AKAP8L: variants seen among roughly 807,000 people sequenced by gnomAD.
AKAP8L encodes the protein A-kinase anchor protein 8-like.
AKAP8L carries 34 observed loss-of-function variants against 77.5 expected under a neutral mutation model. That is an observed-to-expected ratio of 0.44 (90% confidence interval 0.33 to 0.58). The LOEUF is 0.58. Among genes scored for constraint, AKAP8L ranks in the 20% least tolerant of loss-of-function variants. AKAP8L has a pLI of 0.02. For missense variants in AKAP8L, 806 were observed against 887.6 expected, an observed-to-expected ratio of 0.91 and a Z score of 1.17; for synonymous variants, 342 against 340.7, an observed-to-expected ratio of 1.00 and a Z score of -0.04.
Position 15,403,672 on chromosome 19 carries a change from G to A in AKAP8L, c.165C>T (p.Asn55=). The part of the protein sequence containing the change: ...YGYGYGYGQD[N]TTNYGYGMAT... ...CCATACCATACCCATAGTTGGTGGT[G>A]TTATCCTGGCCATAGCCATAGCCAT... The change falls in exon 4 of 14, where the codon AAC becomes AAT. Residue 55 remains asparagine (N), a synonymous_variant. Transcript: ENST00000397410. The surrounding 1 kb of genome is among the most constrained non-coding windows in gnomAD (Gnocchi z 4.3). 1 of 1,610,520 alleles carries A rather than the reference G, an allele frequency of 6.2e-7. No homozygotes were observed. The highest frequency in any genetic ancestry group is 1.3e-5 in the African/African-American group (1 of 74,970).
At position 15,401,699 on chromosome 19, in the gene AKAP8L, C is replaced by T; in HGVS notation, c.363-96G>A. 1.0e-6 allele frequency: 1 copy of T among 981,140 alleles called. No homozygotes were observed. The highest frequency in any genetic ancestry group is 1.5e-6 in the Non-Finnish European group (1 of 679,948). The allele number at this position is 981,140 out of a possible 1,614,324, so 60.8% of individuals were successfully genotyped here. ...CCTCCCCAATCTCCCAGTCCAGCAC[C>T]CACCCTGCCCTGGTTGGGAGGCTCA... On this transcript the variant is annotated intron_variant, in intron 4 of 13. Coordinates refer to ENST00000397410, the MANE Select transcript of AKAP8L (RefSeq NM_014371.4). The surrounding 1 kb of genome is among the most constrained non-coding windows in gnomAD (Gnocchi z 6.2).
At position 15,403,835 on chromosome 19, in the gene AKAP8L, C is replaced by A. The variant is rs1967948892; in HGVS notation, c.122-120G>T. The A allele has an allele frequency of 1.8e-6, 2 of 1,087,726 alleles. No individual in the cohort carries two copies. Among genetic ancestry groups the A allele is most frequent in the Non-Finnish European group, 2.7e-6 (2 of 737,686 alleles). The allele number at this position is 1,087,726 out of a possible 1,614,324, so 67.4% of individuals were successfully genotyped here. On this transcript the variant is annotated intron_variant, in intron 3 of 13. Transcript: ENST00000397410. The surrounding 1 kb of genome is among the most constrained non-coding windows in gnomAD (Gnocchi z 4.3). ...TGTCACAGAGAGAGAAGACCCTAGC[C>A]ACTGAAGCTAGATGGGCCCTGGTCA... is the stretch of plus-strand genomic sequence containing the variant.
chr19:15,397,947 A>G lies in AKAP8L; in HGVS notation c.1158-92T>C. 1 of 1,505,176 alleles carries G rather than the reference A, an allele frequency of 6.6e-7. No individual in the cohort carries two copies. Among genetic ancestry groups the G allele is most frequent in the Non-Finnish European group, 9.0e-7 (1 of 1,113,542 alleles). The allele number at this position is 1,505,176 out of a possible 1,614,324, so 93.2% of individuals were successfully genotyped here. A position where few individuals can be genotyped will look rare whatever the true frequency, so the allele number is the denominator to read the frequency against. ...CCAACCCAGACACAAGCCCTGAAAC[A>G]GGCCTTGCTCACGGGCCTCTGAAGT... On this transcript the variant is annotated intron_variant, in intron 9 of 13. Coordinates refer to ENST00000397410, the MANE Select transcript of AKAP8L (RefSeq NM_014371.4). This position sits in a 1 kb window ranked among gnomAD's most constrained non-coding sequence, Gnocchi z 4.7.
At chr19:15,384,842 G>A (rs1967495557) in intron 12 of AKAP8L, among the ~76,000 whole-genome samples, 4 of 152,176 alleles carry the variant, frequency 2.6e-5, no homozygotes, top group Admixed American at 1.3e-4. Context: ...CATAAAGAGA[G>A]TTTGCATTAT....
chr19:15,403,170 T>G lies in AKAP8L; in HGVS notation c.362+305A>C. 1 of 421,976 alleles carries G rather than the reference T, an allele frequency of 2.4e-6. No individual in the cohort carries two copies. The highest frequency in any genetic ancestry group is 4.5e-6 in the Non-Finnish European group (1 of 224,602). The allele number at this position is 421,976 out of a possible 1,614,324, so 26.1% of individuals were successfully genotyped here. A position where few individuals can be genotyped will look rare whatever the true frequency, so the allele number is the denominator to read the frequency against. Reference sequence around the variant, plus strand: ...CGAGAGAATTCCAAATGGCTGTCCTTGGAGGGAGGGGTGGCTGAACACTCT... The same window carrying G: ...CGAGAGAATTCCAAATGGCTGTCCTGGGAGGGAGGGGTGGCTGAACACTCT... On this transcript the variant is annotated intron_variant, in intron 4 of 13. Coordinates refer to ENST00000397410, the MANE Select transcript of AKAP8L (RefSeq NM_014371.4). This position sits in a 1 kb window ranked among gnomAD's most constrained non-coding sequence, Gnocchi z 4.3.
intron 2 of AKAP8L, 27 bp from the exon 3 acceptor site, chr19:15,404,069 T>G (rs1313309043): frequency 1.2e-6 from 2 of 1,611,270 alleles, no homozygotes; most frequent in African/African-American, 1.3e-5. Flanking sequence ...GGCAGTTACA[T>G]CTATACTTGC....
At chr19:15,414,976 C>T (rs1330294199) in intron 1 of AKAP8L, among the ~76,000 whole-genome samples, 1 of 152,106 alleles carries the variant, frequency 6.6e-6, no homozygotes, top group Non-Finnish European at 1.5e-5. Context: ...TTTTTGTTTT[C>T]TTTTTCTTTT....
At chr19:15,395,061 G>C (rs569139373) in intron 12 of AKAP8L, among the ~76,000 whole-genome samples, 1 of 149,120 alleles carries the variant, frequency 6.7e-6, no homozygotes, top group South Asian at 2.1e-4. Context: ...ACAGAGTCTC[G>C]CTCTGTCGCC....
chr19:15,408,933 G>A (rs1968056357), intron 2 of AKAP8L, among the ~76,000 whole-genome samples: 1 of 151,672 alleles, frequency 6.6e-6, no homozygotes, highest in African/African-American at 2.4e-5. Context: ...TAAACAAATG[G>A]TGCTGGAACA....
intron 12 of AKAP8L, among the ~76,000 whole-genome samples, chr19:15,384,092 C>T (rs937490014): frequency 4.6e-5 from 7 of 151,802 alleles, no homozygotes; most frequent in South Asian, 2.1e-4. Flanking sequence ...CCACCCCACC[C>T]GGCTAATTTT....
Position 15,403,198 on chromosome 19 carries a change from T to G in AKAP8L, c.362+277A>C. On this transcript the variant is annotated intron_variant, in intron 4 of 13. Coordinates refer to ENST00000397410, the MANE Select transcript of AKAP8L (RefSeq NM_014371.4). The surrounding 1 kb of genome is among the most constrained non-coding windows in gnomAD (Gnocchi z 4.3). ...AGGGAGGGGTGGCTGAACACTCTGTTTTTGAGGGCACAGTGAAGTCTGCCC... is the reference window on the plus strand; with the variant it reads ...AGGGAGGGGTGGCTGAACACTCTGTGTTTGAGGGCACAGTGAAGTCTGCCC... The G allele has an allele frequency of 2.1e-6, 1 of 478,774 alleles. No homozygotes were observed. The highest frequency in any genetic ancestry group is 2.0e-5 in the African/African-American group (1 of 51,074). The allele number at this position is 478,774 out of a possible 1,614,324, so 29.7% of individuals were successfully genotyped here. A position where few individuals can be genotyped will look rare whatever the true frequency, so the allele number is the denominator to read the frequency against.
chr19:15,387,811 T>C (rs546849637), intron 12 of AKAP8L, among the ~76,000 whole-genome samples: 12 of 152,162 alleles, frequency 7.9e-5, no homozygotes, highest in African/African-American at 2.6e-4. Flanking sequence ...ATACAAAAAT[T>C]AGCCGGGCGT....
At position 15,401,421 on chromosome 19, in the gene AKAP8L, C is replaced by G. The variant is rs774870595; in HGVS notation, c.545G>C (p.Gly182Ala). 6.2e-7 allele frequency: 1 copy of G among 1,613,490 alleles called. No homozygotes were observed. Reference sequence around the variant, plus strand: ...GCCGCTCCGGGCATCCCGGGCCCAGCCCTGTGCCCTGGGACCGAAGGTGTC... The same window carrying G: ...GCCGCTCCGGGCATCCCGGGCCCAGGCCTGTGCCCTGGGACCGAAGGTGTC... The part of the protein sequence containing the change: ...GNDTFGPRAQ[G>A]WARDARSGRP... Residue 182 changes from glycine to alanine, a missense_variant, in exon 5 of 14, where the codon GGC (glycine) becomes GCC (alanine). By Grantham distance (60) the Gly-to-Ala change is moderately conservative (BLOSUM62 0). Coordinates refer to ENST00000397410, the MANE Select transcript of AKAP8L (RefSeq NM_014371.4). The surrounding 1 kb of genome is among the most constrained non-coding windows in gnomAD (Gnocchi z 6.2).
chr19:15,390,418 C>CA (rs34396645), intron 12 of AKAP8L, among the ~76,000 whole-genome samples: 1,773 of 109,272 alleles, frequency 0.016, 18 homozygotes, highest in Middle Eastern at 0.085. Context: ...GACCCTGTCT[C>CA]AAAAAAAAAA....
At chr19:15,389,021 TGG>T (rs921497287) in intron 12 of AKAP8L, among the ~76,000 whole-genome samples, 1 of 147,550 alleles carries the variant, frequency 6.8e-6, no homozygotes, top group African/African-American at 2.5e-5. Flanking sequence ...GAGACCATCT[TGG>T]CTAACACGGT....
At chr19:15,416,558 G>C (rs909949533) in intron 1 of AKAP8L, among the ~76,000 whole-genome samples, 1 of 152,216 alleles carries the variant, frequency 6.6e-6, no homozygotes, top group Non-Finnish European at 1.5e-5. Flanking sequence ...GCTTTCAGAT[G>C]ACTCTAGTCC....
In AKAP8L at chr19:15,403,642, A is replaced by C; in HGVS notation, c.195T>G (p.Thr65=). Residue 65 remains threonine, a synonymous_variant, in exon 4 of 14, where the codon ACT becomes ACG. Coordinates refer to ENST00000397410, the MANE Select transcript of AKAP8L (RefSeq NM_014371.4). This position sits in a 1 kb window ranked among gnomAD's most constrained non-coding sequence, Gnocchi z 4.3. The part of the protein sequence containing the change: ...NTTNYGYGMA[T]SHSWEMPSSD... ...AGCTAGGCATTTCCCAAGAGTGTGA[A>C]GTGGCCATACCATACCCATAGTTGG... The C allele has an allele frequency of 6.2e-7, 1 of 1,613,878 alleles. No individual in the cohort carries two copies. The highest frequency in any genetic ancestry group is 8.5e-7 in the Non-Finnish European group (1 of 1,179,810).
In AKAP8L at chr19:15,400,317, T is replaced by C; in HGVS notation, c.1026A>G (p.Glu342=). Residue 342 remains glutamate (E), a synonymous_variant, in exon 8 of 14, where the codon GAA becomes GAG. Transcript: ENST00000397410. ...CACCCTTCTCTGGATCCTCTTTGCC[T>C]TCTTCTCTCCCATCCTCTTTTCCCT... ...DEEGKEDGRE[E]GKEDPEKGAL... is the part of the protein sequence containing the mutation. The C allele has an allele frequency of 6.2e-7, 1 of 1,613,318 alleles. No homozygotes were observed. Among genetic ancestry groups the C allele is most frequent in the Non-Finnish European group, 8.5e-7 (1 of 1,179,750 alleles).
rs1782437889 is a variant in AKAP8L, at chr19:15,414,228, T to C, written c.14-3634A>G. Reference sequence around the variant, plus strand: ...TACAGGCATGCGCCACTACGCATTTTGTATTTTTAGTAGAGACGGGTTTTC... The same window carrying C: ...TACAGGCATGCGCCACTACGCATTTCGTATTTTTAGTAGAGACGGGTTTTC... On this transcript the variant is annotated intron_variant, in intron 1 of 13. Transcript: ENST00000397410. Among the ~76,000 whole-genome samples the C allele has an allele frequency of 2.0e-5, 3 of 151,692 alleles. No homozygotes were observed. In the South Asian group the frequency reaches 6.3e-4, roughly 32 times the overall value.
Sources: gnomAD v4.1 joint callset for allele counts (sites outside exome capture counted in the v4.1 genomes callset) on GRCh38, gnomAD v4.1.1 for gene constraint, Gnocchi (gnomAD v3.1) non-coding constraint, MANE v1.5 for transcripts, NCBI Gene and HGNC (gene_info 2026-07-23, HGNC 2026-07-21) for gene names.